Variants in B4GALT6 observed in about 807,000 individuals in gnomAD.
B4GALT6 encodes the protein UDP-Gal:beta-GlcNAc beta-1,4-galactosyltransferase 6.
Under a neutral mutation model 46.3 loss-of-function variants are expected in B4GALT6, and 14 were observed. The ratio of observed to expected loss-of-function variants is 0.30; its 90% confidence interval spans 0.20 to 0.47. The LOEUF (loss-of-function observed/expected upper bound fraction) is 0.47. Among genes scored for constraint, B4GALT6 ranks in the 20% least tolerant of loss-of-function variants. The probability of loss-of-function intolerance (pLI) is 0.99; values close to 1 mark genes in which losing one functional copy is unlikely to be tolerated. For missense variants in B4GALT6, 386 were observed against 480.1 expected, an observed-to-expected ratio of 0.80 and a Z score of 1.83; for synonymous variants, 168 against 162.0, an observed-to-expected ratio of 1.04 and a Z score of -0.28.
chr18:31,636,191 A>C (rs1272159855), intron 5 of B4GALT6, among the ~76,000 whole-genome samples: 1 of 152,246 alleles, frequency 6.6e-6, no homozygotes, highest in African/African-American at 2.4e-5. Flanking sequence ...TAAAACTATT[A>C]AGTTTCTGGA....
chr18:31,661,999 C>T (rs1021595346), intron 2 of B4GALT6, among the ~76,000 whole-genome samples: 39 of 152,222 alleles, frequency 2.6e-4, no homozygotes, highest in African/African-American at 9.4e-4. Context: ...ATCCAACTCA[C>T]AGAAGTGCTC....
At chr18:31,667,632 C>T (rs1336580976) in intron 1 of B4GALT6, among the ~76,000 whole-genome samples, 1 of 152,026 alleles carries the variant, frequency 6.6e-6, no homozygotes, top group Non-Finnish European at 1.5e-5. Flanking sequence ...TTTTCTTTCA[C>T]CTCCAGAAAA....
chr18:31,724,249 C>A, the B4GALT6 span: 1 of 349,802 alleles, frequency 2.9e-6, no homozygotes, highest in Non-Finnish European at 5.2e-6. Flanking sequence ...CAGTGCGCGG[C>A]GCCAGCGCTT....
the B4GALT6 span, among the ~76,000 whole-genome samples, chr18:31,693,184 A>G: frequency 6.6e-6 from 1 of 152,348 alleles, no homozygotes; most frequent in Admixed American, 6.5e-5. Flanking sequence ...ATGATTTACT[A>G]GAACTCAAGA....
chr18:31,721,658 C>T, the B4GALT6 span, among the ~76,000 whole-genome samples: 1 of 152,150 alleles, frequency 6.6e-6, no homozygotes, highest in Admixed American at 6.5e-5. Flanking sequence ...AGAACAAAGA[C>T]GAAGGTTTCC....
At chr18:31,662,815 TG>T (rs2074235012) in intron 2 of B4GALT6, among the ~76,000 whole-genome samples, 1 of 151,960 alleles carries the variant, frequency 6.6e-6, no homozygotes, top group African/African-American at 2.4e-5. Flanking sequence ...CACTTCAGCC[TG>T]GGCGACAGAG....
chr18:31,685,449 C>T (rs867698007), upstream of B4GALT6, among the ~76,000 whole-genome samples: 14 of 151,408 alleles, frequency 9.2e-5, no homozygotes, highest in African/African-American at 1.2e-4. Context: ...CTGCGCGCTT[C>T]GCGCGCTCGC....
the B4GALT6 span, among the ~76,000 whole-genome samples, chr18:31,701,358 A>G: frequency 1.3e-5 from 2 of 152,086 alleles, no homozygotes; most frequent in Non-Finnish European, 2.9e-5. Context: ...ATGGTTGTAA[A>G]TCTCCTGAGG....
upstream of B4GALT6, chr18:31,684,715 G>A (rs2074524682): frequency 5.2e-6 from 6 of 1,144,850 alleles, no homozygotes; most frequent in South Asian, 1.5e-4. Context: ...CAGGACGGAA[G>A]AAAGCCGGGG....
the B4GALT6 span, among the ~76,000 whole-genome samples, chr18:31,715,535 G>GTTTTTTTT: frequency 2.1e-5 from 2 of 94,418 alleles, no homozygotes; most frequent in East Asian, 4.2e-4. Context: ...GTCTGGAACT[G>GTTTTTTTT]TCTTTTTTTT....
the B4GALT6 span, among the ~76,000 whole-genome samples, chr18:31,693,915 C>T: frequency 6.6e-6 from 1 of 152,024 alleles, no homozygotes; most frequent in African/African-American, 2.4e-5. Context: ...CTGCAGTGAG[C>T]CATGATCATG....
At chr18:31,699,463 A>G in the B4GALT6 span, among the ~76,000 whole-genome samples, 1 of 151,604 alleles carries the variant, frequency 6.6e-6, no homozygotes, top group Non-Finnish European at 1.5e-5. Flanking sequence ...TAGTAGAGAC[A>G]GGGTTTCACC....
chr18:31,719,966 G>A, the B4GALT6 span, among the ~76,000 whole-genome samples: 1 of 152,232 alleles, frequency 6.6e-6, no homozygotes, highest in Non-Finnish European at 1.5e-5. Context: ...GCCAGAGGCT[G>A]CATGACTCCT....
intron 1 of B4GALT6, among the ~76,000 whole-genome samples, chr18:31,671,498 T>C (rs941813376): frequency 2.0e-5 from 3 of 152,198 alleles, no homozygotes; most frequent in South Asian, 4.1e-4. Flanking sequence ...TAATGACCAG[T>C]GATGATGAGC....
At chr18:31,665,927 A>G (rs2144683529) in intron 2 of B4GALT6, among the ~76,000 whole-genome samples, 1 of 152,358 alleles carries the variant, frequency 6.6e-6, no homozygotes, top group South Asian at 2.1e-4. Context: ...AGATGGTAGT[A>G]TGGCTTACTA....
At chr18:31,636,338 C>T (rs1204139906) in intron 5 of B4GALT6, among the ~76,000 whole-genome samples, 2 of 152,058 alleles carry the variant, frequency 1.3e-5, no homozygotes, top group Admixed American at 1.3e-4. Context: ...AAAAGGCAAG[C>T]CATAGACTAT....
the B4GALT6 span, among the ~76,000 whole-genome samples, chr18:31,707,046 T>C: frequency 2.0e-5 from 3 of 152,204 alleles, no homozygotes; most frequent in Non-Finnish European, 4.4e-5. Flanking sequence ...ATACATTACC[T>C]ATACTACTCT....
the B4GALT6 span, among the ~76,000 whole-genome samples, chr18:31,701,224 G>A: frequency 6.6e-6 from 1 of 152,166 alleles, no homozygotes. Context: ...TGCTGTTCTT[G>A]TGGTGGTGAG....
At chr18:31,626,611 A>C (rs1452785866) in intron 7 of B4GALT6, among the ~76,000 whole-genome samples, 5 of 152,188 alleles carry the variant, frequency 3.3e-5, no homozygotes, top group Non-Finnish European at 4.4e-5. Context: ...GAATGGCATT[A>C]GATTTTCAGA....
Sources: allele counts gnomAD v4.1 joint callset (sites outside exome capture counted in the v4.1 genomes callset), GRCh38; gene constraint gnomAD v4.1.1; transcripts MANE v1.5; gene names NCBI Gene and HGNC (gene_info 2026-07-23, HGNC 2026-07-21).